Variants in SLC10A7 observed in about 807,000 individuals in gnomAD.
SLC10A7 encodes sodium/bile acid cotransporter 7.
SLC10A7 carries 29 observed loss-of-function variants against 43.2 expected under a neutral mutation model. The observed-to-expected ratio is 0.67, with a 90% confidence interval of 0.50 to 0.92. The LOEUF (loss-of-function observed/expected upper bound fraction) is 0.92, where lower values mean the gene tolerates loss of function less well. SLC10A7 is among the 40% of genes least tolerant of loss of function. The pLI is 0.00. For synonymous variants in SLC10A7, 152 were observed against 144.8 expected, an observed-to-expected ratio of 1.05 and a Z score of -0.35; for missense variants, 295 against 403.2, an observed-to-expected ratio of 0.73 and a Z score of 2.30.
At chr4:146,394,582 G>A (rs142995433) in intron 5 of SLC10A7, among the ~76,000 whole-genome samples, 53 of 152,094 alleles carry the variant, frequency 3.5e-4, no homozygotes, top group African/African-American at 1.2e-3. Context: ...GGCTGTTCTC[G>A]AACTCCTGAG....
intron 4 of SLC10A7, among the ~76,000 whole-genome samples, chr4:146,493,720 G>A (rs190279704): frequency 1.2e-4 from 18 of 152,208 alleles, no homozygotes; most frequent in African/African-American, 2.6e-4. Context: ...ATTCCCAAAC[G>A]GGCTATCTTG....
chr4:146,368,626 A>T (rs1736555988), intron 5 of SLC10A7, among the ~76,000 whole-genome samples: 1 of 152,176 alleles, frequency 6.6e-6, no homozygotes, highest in Non-Finnish European at 1.5e-5. Flanking sequence ...ATAAAAGAAT[A>T]CAACTTGTGC....
chr4:146,367,651 T>C (rs1034680036), intron 5 of SLC10A7, among the ~76,000 whole-genome samples: 4 of 152,174 alleles, frequency 2.6e-5, no homozygotes, highest in Admixed American at 2.0e-4. Flanking sequence ...TCATTTAAAA[T>C]ATAAATTGTG....
At chr4:146,367,281 T>G (rs560606018) in intron 5 of SLC10A7, among the ~76,000 whole-genome samples, 2 of 152,226 alleles carry the variant, frequency 1.3e-5, no homozygotes, top group East Asian at 3.9e-4. Flanking sequence ...TACCTATTAT[T>G]GTCCAGTGCA....
intron 5 of SLC10A7, among the ~76,000 whole-genome samples, chr4:146,327,509 A>C (rs1340616742): frequency 6.6e-6 from 1 of 152,176 alleles, no homozygotes; most frequent in Non-Finnish European, 1.5e-5. Flanking sequence ...TCCAAATTTT[A>C]CAGGGCCACA....
intron 5 of SLC10A7, chr4:146,441,515 A>C (rs991105035): frequency 4.2e-6 from 1 of 237,210 alleles, no homozygotes; most frequent in African/African-American, 2.3e-5. Context: ...TATGGTGCCA[A>C]ATCATGTACA....
At chr4:146,280,107 C>T (rs989447015) in intron 10 of SLC10A7, among the ~76,000 whole-genome samples, 18 of 151,958 alleles carry the variant, frequency 1.2e-4, no homozygotes, top group African/African-American at 4.1e-4. Flanking sequence ...AATACAAATA[C>T]TAGATATAAT....
chr4:146,420,596 G>A (rs576239038), intron 5 of SLC10A7, among the ~76,000 whole-genome samples: 60 of 152,322 alleles, frequency 3.9e-4, no homozygotes, highest in African/African-American at 1.3e-3. Context: ...GAAGCTGAGA[G>A]ATAGGTACAT....
At chr4:146,349,516 T>C (rs1208792037) in intron 5 of SLC10A7, among the ~76,000 whole-genome samples, 1 of 152,004 alleles carries the variant, frequency 6.6e-6, no homozygotes, top group Non-Finnish European at 1.5e-5. Context: ...TGGGCATACA[T>C]CCAAAAGAAA....
At chr4:146,459,425 C>T (rs567904461) in intron 4 of SLC10A7, among the ~76,000 whole-genome samples, 6 of 151,538 alleles carry the variant, frequency 4.0e-5, no homozygotes, top group South Asian at 2.1e-4. Context: ...TTATATTTCA[C>T]GATAAAGTTA....
intron 4 of SLC10A7, among the ~76,000 whole-genome samples, chr4:146,490,987 A>G (rs1172619433): frequency 2.6e-5 from 4 of 152,234 alleles, no homozygotes; most frequent in Admixed American, 2.0e-4. Context: ...GAAAACTCAA[A>G]GATTGGTTGG....
rs146271743 is a variant in SLC10A7 at position 146,320,979 on chromosome 4, A to C, written c.471+4982T>G. 2.1e-3 allele frequency among the ~76,000 whole-genome samples: 326 copies of C among 152,194 alleles called. 3 individuals carry two copies. The highest frequency in any genetic ancestry group is 6.6e-3 in the African/African-American group (274 of 41,528). ...TTGATTGGAGCAAGAAAGTGAAGGAAATATTCTGAGAAAAGGTTAGGAATA... is the reference window on the plus strand; with the variant it reads ...TTGATTGGAGCAAGAAAGTGAAGGACATATTCTGAGAAAAGGTTAGGAATA... On this transcript the variant is annotated intron_variant, in intron 6 of 11. Transcript: ENST00000335472.
At chr4:146,476,505 A>G (rs752415776) in intron 4 of SLC10A7, among the ~76,000 whole-genome samples, 3 of 151,980 alleles carry the variant, frequency 2.0e-5, no homozygotes, top group Non-Finnish European at 4.4e-5. Flanking sequence ...GTGTGTGTGC[A>G]TGTGCATGTG....
chr4:146,474,569 T>C (rs1195668064), intron 4 of SLC10A7, among the ~76,000 whole-genome samples: 1 of 152,248 alleles, frequency 6.6e-6, no homozygotes, highest in East Asian at 1.9e-4. Flanking sequence ...ATGCCATCAC[T>C]AAGAACTTGA....
At chr4:146,455,626 C>A (rs186426462) in intron 4 of SLC10A7, among the ~76,000 whole-genome samples, 2 of 151,770 alleles carry the variant, frequency 1.3e-5, no homozygotes, top group African/African-American at 2.4e-5. Context: ...GCTTTCCTAC[C>A]ATCTTCTGGG....
At chr4:146,299,170 C>G (rs1190648055) in intron 7 of SLC10A7, among the ~76,000 whole-genome samples, 1 of 152,174 alleles carries the variant, frequency 6.6e-6, no homozygotes, top group Non-Finnish European at 1.5e-5. Flanking sequence ...ATGCATATAA[C>G]AATCCATACA....
At chr4:146,354,027 G>A (rs1735356634) in intron 5 of SLC10A7, among the ~76,000 whole-genome samples, 1 of 147,272 alleles carries the variant, frequency 6.8e-6, no homozygotes, top group Non-Finnish European at 1.5e-5. Flanking sequence ...AGTGTTGGAA[G>A]TTCTGGCCAG....
At chr4:146,355,718 G>A (rs1274014135) in intron 5 of SLC10A7, among the ~76,000 whole-genome samples, 1 of 151,592 alleles carries the variant, frequency 6.6e-6, no homozygotes, top group Non-Finnish European at 1.5e-5. Context: ...CATAAAAAAT[G>A]ATGAGTTCAT....
chr4:146,317,292 T>G (rs1377302295), intron 6 of SLC10A7, among the ~76,000 whole-genome samples: 1 of 152,068 alleles, frequency 6.6e-6, no homozygotes, highest in African/African-American at 2.4e-5. Context: ...TCAAAAACAT[T>G]CAAAAAATGT....
Sources: gnomAD v4.1 joint callset for allele counts (sites outside exome capture counted in the v4.1 genomes callset) on GRCh38, gnomAD v4.1.1 for gene constraint, MANE v1.5 for transcripts, NCBI Gene and HGNC (gene_info 2026-07-23, HGNC 2026-07-21) for gene names.